B3GALNT2: variants seen among roughly 807,000 people sequenced by gnomAD.
B3GALNT2 encodes beta-1,3-N-acetylgalactosaminyltransferase 2, also known as UDP-GalNAc:beta-1,3-N-acetylgalactosaminyltransferase 2.
B3GALNT2 carries 53 observed loss-of-function variants against 61.1 expected under a neutral mutation model. That is an observed-to-expected ratio of 0.87 (90% CI 0.70 to 1.09). The LOEUF (loss-of-function observed/expected upper bound fraction) is 1.09, where lower values mean the gene tolerates loss of function less well. Among genes scored for constraint, B3GALNT2 ranks in the 50% least tolerant of loss-of-function variants. The probability of loss-of-function intolerance (pLI) is 0.00; values close to 1 mark genes in which losing one functional copy is unlikely to be tolerated. For synonymous variants in B3GALNT2, 223 were observed against 237.4 expected (o/e 0.94, Z 0.56); for missense variants, 544 against 623.0 (o/e 0.87, Z 1.35).
At chr1:235,460,826 C>G (rs1220471701) in intron 7 of B3GALNT2, among the ~76,000 whole-genome samples, 1 of 151,984 alleles carries the variant, frequency 6.6e-6, no homozygotes, top group Non-Finnish European at 1.5e-5. Context: ...CTCTTGCCTC[C>G]CAAGTTTCTG....
chr1:235,456,445 A>G lies in B3GALNT2; in HGVS notation c.1026-761T>C, dbSNP rs151310192. Among the ~76,000 whole-genome samples the G allele has an allele frequency of 3.5e-3, 528 of 152,346 alleles. 3 individuals carry two copies. The highest frequency in any genetic ancestry group is 0.012 in the African/African-American group (517 of 41,582). ...CATTAGGTCCAAGAATGGTGAATTT[A>G]ACAATAATGGGTCCACACCAAATAG... On this transcript the variant is annotated intron_variant, in intron 8 of 11. Transcript: ENST00000366600.
chr1:235,501,100 G>A (rs542611955), intron 1 of B3GALNT2, among the ~76,000 whole-genome samples: 16 of 152,300 alleles, frequency 1.1e-4, no homozygotes, highest in Middle Eastern at 3.4e-3. Flanking sequence ...ACCCTAGAAA[G>A]CGAAGCCTTC....
chr1:235,498,810 C>T (rs961123329), intron 1 of B3GALNT2, among the ~76,000 whole-genome samples: 1 of 136,856 alleles, frequency 7.3e-6, no homozygotes, highest in Non-Finnish European at 1.5e-5. Context: ...CGCCACTGCT[C>T]TCCAGTCTGG....
intron 11 of B3GALNT2, 80 bp downstream of exon 11, chr1:235,453,010 G>T: frequency 7.9e-7 from 1 of 1,271,078 alleles, no homozygotes; most frequent in Middle Eastern, 1.9e-4. Context: ...CAGGCATTTT[G>T]GATAAAGAAC....
intron 7 of B3GALNT2, among the ~76,000 whole-genome samples, chr1:235,459,554 T>G (rs1296098411): frequency 6.6e-6 from 1 of 152,078 alleles, no homozygotes; most frequent in Non-Finnish European, 1.5e-5. Context: ...GCCCAGGAGT[T>G]CAAGGCTGCA....
chr1:235,502,396 A>G (rs1014138661), intron 1 of B3GALNT2, among the ~76,000 whole-genome samples: 1 of 152,256 alleles, frequency 6.6e-6, no homozygotes. Context: ...CTATGTAACA[A>G]ACTTGCACGT....
intron 4 of B3GALNT2, among the ~76,000 whole-genome samples, chr1:235,480,510 C>G (rs1235265666): frequency 6.6e-6 from 1 of 151,990 alleles, no homozygotes; most frequent in Non-Finnish European, 1.5e-5. Flanking sequence ...TAAAACTAAA[C>G]TGAAAGACAC....
intron 4 of B3GALNT2, among the ~76,000 whole-genome samples, chr1:235,483,689 A>C (rs148484670): frequency 2.0e-5 from 3 of 152,286 alleles, no homozygotes; most frequent in Admixed American, 1.3e-4. Context: ...AAATACAGGA[A>C]AACGTTAATT....
chr1:235,458,210 G>A (rs1483933663), intron 8 of B3GALNT2, among the ~76,000 whole-genome samples: 1 of 152,074 alleles, frequency 6.6e-6, no homozygotes, highest in African/African-American at 2.4e-5. Flanking sequence ...AATTTTTGCC[G>A]TGTTTTTGAT....
At chr1:235,463,541 T>A (rs1429515028) in intron 7 of B3GALNT2, 1 of 150,674 alleles carries the variant, frequency 6.6e-6, no homozygotes, top group African/African-American at 2.4e-5. Flanking sequence ...AAGAACAAGG[T>A]TGGAGGATTC....
rs1408862035 is a variant in B3GALNT2, at chr1:235,448,207, A to C, written c.*1999T>G. On this transcript the variant is annotated 3_prime_UTR_variant, in exon 12 of 12. Transcript: ENST00000366600. ...AGAGCAAGACTTACTTAAGTAAGTA[A>C]GTAAGTCAGTCTCAAAAAAAAAAAA... 3 of 719,968 alleles carry C rather than the reference A, an allele frequency of 4.2e-6. No homozygotes were observed. The highest frequency in any genetic ancestry group is 7.2e-6 in the Non-Finnish European group (3 of 415,442). The allele number at this position is 719,968 out of a possible 1,614,324, so 44.6% of individuals were successfully genotyped here. A position where few individuals can be genotyped will look rare whatever the true frequency, so the allele number is the denominator to read the frequency against.
chr1:235,454,489 A>C (rs576201176), intron 9 of B3GALNT2, among the ~76,000 whole-genome samples, 174 bp from the exon 10 acceptor site: 6 of 152,012 alleles, frequency 3.9e-5, no homozygotes, highest in Non-Finnish European at 5.9e-5. Context: ...CTCAGGCTGG[A>C]GTGTAGTGGT....
intron 2 of B3GALNT2, among the ~76,000 whole-genome samples, chr1:235,489,977 C>T (rs116199083): frequency 0.012 from 1,822 of 152,272 alleles, 40 homozygotes; most frequent in African/African-American, 0.042. Flanking sequence ...TGAACTCTTA[C>T]CTTCCTGGTT....
intron 8 of B3GALNT2, among the ~76,000 whole-genome samples, chr1:235,457,115 T>A (rs1236793800): frequency 1.6e-4 from 4 of 25,628 alleles, no homozygotes; most frequent in East Asian, 1.5e-3. Context: ...TATTAAAAAA[T>A]AAATAAATAA....
intron 7 of B3GALNT2, 114 bp downstream of exon 7, chr1:235,465,522 T>TTATCTGAA: frequency 2.1e-6 from 3 of 1,458,660 alleles, no homozygotes; most frequent in Non-Finnish European, 2.8e-6. Flanking sequence ...AGGGTGAATT[T>TTATCTGAA]TATCTGAATA....
chr1:235,456,534 A>C (rs1200328758), intron 8 of B3GALNT2, among the ~76,000 whole-genome samples: 1 of 152,224 alleles, frequency 6.6e-6, no homozygotes, highest in East Asian at 1.9e-4. Flanking sequence ...AATATTTGCT[A>C]ATTAGAAATT....
At chr1:235,463,035 GTAC>G (rs1300698213) in intron 7 of B3GALNT2, among the ~76,000 whole-genome samples, 1 of 152,172 alleles carries the variant, frequency 6.6e-6, no homozygotes, top group Admixed American at 6.5e-5. Flanking sequence ...ATACCATGGA[GTAC>G]TACTCAGCCA....
chr1:235,498,716 T>G lies in B3GALNT2; in HGVS notation c.113-3888A>C, dbSNP rs547786114. ...AAAATTAGCTAGGTGTGGTGGTGCA[T>G]GCCTGTAATCCCAGCTACTCGGGAG... is the stretch of plus-strand genomic sequence containing the variant. On this transcript the variant is annotated intron_variant, in intron 1 of 11. Coordinates refer to ENST00000366600, the MANE Select transcript of B3GALNT2 (RefSeq NM_152490.5). Among the ~76,000 whole-genome samples the G allele has an allele frequency of 1.1e-4, 17 of 151,864 alleles. No individual in the cohort carries two copies. The East Asian group carries it at 3.3e-3, about 29-fold the overall frequency.
chr1:235,477,168 T>G (rs1304126498), intron 5 of B3GALNT2, among the ~76,000 whole-genome samples: 1 of 152,170 alleles, frequency 6.6e-6, no homozygotes, highest in Admixed American at 6.5e-5. Flanking sequence ...CAAGGAAGGT[T>G]AACCCCTCTC....
Sources: gnomAD v4.1 joint callset for allele counts (sites outside exome capture counted in the v4.1 genomes callset) on GRCh38, gnomAD v4.1.1 for gene constraint, MANE v1.5 for transcripts, NCBI Gene and HGNC (gene_info 2026-07-23, HGNC 2026-07-21) for gene names.